The following VPS37A variants were observed in gnomAD, a reference collection of about 807,000 sequenced individuals.
VPS37A encodes VPS37A subunit of ESCRT-I, also known as vacuolar protein sorting-associated protein 37A.
In VPS37A, 30 loss-of-function variants were observed where a neutral mutation model predicts 49.8. The observed-to-expected ratio is 0.60, with a 90% CI of 0.45 to 0.82. The LOEUF is 0.82. Ranked by LOEUF, VPS37A falls within the 40% of genes least tolerant of loss-of-function variation. VPS37A has a pLI of 0.00. For synonymous variants in VPS37A, 195 were observed against 160.6 expected (o/e 1.21, Z -1.62); for missense variants, 593 against 464.4 (o/e 1.28, Z -2.55).
At chr8:17,333,422 A>G in the VPS37A span, among the ~76,000 whole-genome samples, 93,576 of 152,082 alleles carry the variant, frequency 0.62, 30,406 homozygotes, top group African/African-American at 0.82. Context: ...TATAACAAGC[A>G]TCATAAATAA....
the VPS37A span, among the ~76,000 whole-genome samples, chr8:17,326,830 T>A: frequency 1.3e-4 from 20 of 152,308 alleles, no homozygotes; most frequent in South Asian, 4.1e-3. Context: ...AGTTCCAATT[T>A]ATGCTTGAGA....
intron 1 of VPS37A, among the ~76,000 whole-genome samples, chr8:17,254,636 T>C (rs1812271678): frequency 6.6e-6 from 1 of 152,130 alleles, no homozygotes; most frequent in African/African-American, 2.4e-5. Context: ...TTTCTTCTTT[T>C]TTTTTTAAAT....
chr8:17,254,452 G>C (rs949763857), intron 1 of VPS37A, among the ~76,000 whole-genome samples: 1 of 152,146 alleles, frequency 6.6e-6, no homozygotes, highest in Non-Finnish European at 1.5e-5. Flanking sequence ...GCTGCTCCAC[G>C]AATGTCACCC....
rs574736904 is a variant in VPS37A, at chr8:17,297,447, T to G, written c.*2461T>G. 6 of 150,482 alleles carry G rather than the reference T, an allele frequency of 4.0e-5. No homozygotes were observed. The South Asian group carries it at 1.3e-3, about 31-fold the overall frequency. 9.3% of individuals were successfully genotyped at this position (150,482 alleles called of 1,614,324 possible). A position where few individuals can be genotyped will look rare whatever the true frequency, so the allele number is the denominator to read the frequency against. The stretch of plus-strand genomic sequence containing the variant: ...TTTAGGAGAAGAAAGTAAACTAATG[T>G]GCTCTTAAAGAATAAAAATTTATTC... On this transcript the variant is annotated 3_prime_UTR_variant, in exon 12 of 12. Coordinates refer to ENST00000324849, the MANE Select transcript of VPS37A (RefSeq NM_152415.3).
the VPS37A span, among the ~76,000 whole-genome samples, chr8:17,323,582 G>C: frequency 3.3e-5 from 5 of 152,110 alleles, no homozygotes; most frequent in African/African-American, 9.7e-5. Flanking sequence ...AATCCCGGAA[G>C]ACTGAGATGG....
chr8:17,310,197 C>T, the VPS37A span, among the ~76,000 whole-genome samples: 2 of 151,992 alleles, frequency 1.3e-5, no homozygotes, highest in East Asian at 1.9e-4. Flanking sequence ...GACGAGGTCT[C>T]GCCATGTTGC....
At chr8:17,253,215 C>A (rs560615600) in intron 1 of VPS37A, among the ~76,000 whole-genome samples, 6 of 152,228 alleles carry the variant, frequency 3.9e-5, no homozygotes, top group Admixed American at 2.0e-4. Flanking sequence ...CAAACCATTT[C>A]TGCTGTTTGC....
intron 11 of VPS37A, among the ~76,000 whole-genome samples, chr8:17,287,446 G>A (rs192667948): frequency 1.6e-4 from 25 of 152,174 alleles, no homozygotes; most frequent in Admixed American, 5.9e-4. Flanking sequence ...AGGCCGAGGC[G>A]TGTGGATCAC....
chr8:17,276,122 T>C (rs758425545), intron 5 of VPS37A, among the ~76,000 whole-genome samples: 30 of 152,130 alleles, frequency 2.0e-4, no homozygotes, highest in Middle Eastern at 3.4e-3. Context: ...TCTACAGCCA[T>C]GTACTTAGAC....
At chr8:17,286,532 CATT>C (rs1273014051) in intron 11 of VPS37A, 105 bp downstream of exon 11, 2 of 917,752 alleles carry the variant, frequency 2.2e-6, no homozygotes, top group Admixed American at 2.5e-5. Context: ...ATAATTCTGT[CATT>C]ATAGTTACTG....
chr8:17,309,254 A>C, the VPS37A span: 8 of 1,436,272 alleles, frequency 5.6e-6, no homozygotes, highest in Admixed American at 1.5e-4. Flanking sequence ...TAAACATTCA[A>C]AACAGTCTTA....
At chr8:17,288,753 C>A (rs9886953) in intron 11 of VPS37A, among the ~76,000 whole-genome samples, 1 of 152,120 alleles carries the variant, frequency 6.6e-6, no homozygotes, top group African/African-American at 2.4e-5. Context: ...GGATCTGGGT[C>A]AAATGGTATT....
chr8:17,281,038 G>T (rs1815008387), intron 9 of VPS37A, among the ~76,000 whole-genome samples: 1 of 151,738 alleles, frequency 6.6e-6, no homozygotes, highest in Non-Finnish European at 1.5e-5. Flanking sequence ...TAAAGTCAAT[G>T]AAATAAAACA....
At chr8:17,250,318 C>G (rs771241915) in intron 1 of VPS37A, among the ~76,000 whole-genome samples, 4 of 152,024 alleles carry the variant, frequency 2.6e-5, no homozygotes, top group African/African-American at 9.7e-5. Flanking sequence ...CAATATGTTG[C>G]CTGATTACCT....
At chr8:17,260,412 T>A (rs1270190845) in intron 1 of VPS37A, among the ~76,000 whole-genome samples, 1 of 152,186 alleles carries the variant, frequency 6.6e-6, no homozygotes, top group East Asian at 1.9e-4. Flanking sequence ...TACCTATCTC[T>A]TAACAGGTGG....
chr8:17,248,016 T>C, intron 1 of VPS37A: 1 of 515,290 alleles, frequency 1.9e-6, no homozygotes, highest in Non-Finnish European at 3.5e-6. Context: ...GATTGTTCTG[T>C]TGTCTTCCTG....
intron 4 of VPS37A, among the ~76,000 whole-genome samples, chr8:17,273,021 TCC>T (rs1261121705): frequency 8.2e-5 from 10 of 122,212 alleles, no homozygotes; most frequent in Non-Finnish European, 1.6e-4. Flanking sequence ...ATTTTGCCCT[TCC>T]TTTTTTTTTT....
chr8:17,273,023 CTTTTTTTTTTTTTT>C (rs1166192119), intron 4 of VPS37A, among the ~76,000 whole-genome samples: 4 of 43,824 alleles, frequency 9.1e-5, no homozygotes, highest in African/African-American at 4.1e-4. Flanking sequence ...TTTGCCCTTC[CTTTTTTTTTTTTTT>C]TTTTTTTTTT....
At chr8:17,303,811 T>C (rs896421245), downstream of VPS37A, among the ~76,000 whole-genome samples, 9 of 152,258 alleles carry the variant, frequency 5.9e-5, no homozygotes, top group African/African-American at 2.2e-4. Context: ...GGTCTCCCCA[T>C]GTTGGCCAGG....
Sources: allele counts gnomAD v4.1 joint callset (sites outside exome capture counted in the v4.1 genomes callset), GRCh38; gene constraint gnomAD v4.1.1; transcripts MANE v1.5; gene names NCBI Gene and HGNC (gene_info 2026-07-23, HGNC 2026-07-21).